RABGAP1L: variants seen among roughly 807,000 people sequenced by gnomAD.
RABGAP1L encodes rab GTPase-activating protein 1-like.
RABGAP1L carries 63 observed loss-of-function variants against 137.7 expected under a neutral mutation model. That is an observed-to-expected ratio of 0.46 (90% CI 0.37 to 0.56). RABGAP1L has a LOEUF of 0.56. RABGAP1L is among the 20% of genes least tolerant of loss of function. The probability of loss-of-function intolerance (pLI) is 0.00; values close to 1 mark genes in which losing one functional copy is unlikely to be tolerated. For missense variants in RABGAP1L, 1,095 were observed against 1,244.0 expected (o/e 0.88, Z 1.80); for synonymous variants, 431 against 433.7 (o/e 0.99, Z 0.08).
chr1:174,160,000 G>C (rs1315980099), intron 1 of RABGAP1L: 1 of 152,398 alleles, frequency 6.6e-6, no homozygotes, highest in Non-Finnish European at 1.5e-5. Context: ...GCCGCCCGCT[G>C]CTACGCTGTG....
chr1:174,698,692 A>G (rs1202176142), intron 15 of RABGAP1L, among the ~76,000 whole-genome samples: 1 of 151,298 alleles, frequency 6.6e-6, no homozygotes, highest in Non-Finnish European at 1.5e-5. Context: ...ATAAAGAGAC[A>G]ACTCTTTATA....
intron 1 of RABGAP1L, among the ~76,000 whole-genome samples, chr1:174,211,736 A>T (rs1033662262): frequency 1.3e-5 from 2 of 152,168 alleles, no homozygotes; most frequent in African/African-American, 4.8e-5. Context: ...TACATGAAAC[A>T]TACTTTACCT....
At chr1:174,474,687 C>T (rs1487514138) in intron 13 of RABGAP1L, among the ~76,000 whole-genome samples, 4 of 152,188 alleles carry the variant, frequency 2.6e-5, no homozygotes, top group Non-Finnish European at 4.4e-5. Flanking sequence ...ACTGCAACCT[C>T]CTCCTCCTGG....
At chr1:174,314,529 C>T (rs1306521568) in intron 11 of RABGAP1L, among the ~76,000 whole-genome samples, 2 of 151,816 alleles carry the variant, frequency 1.3e-5, no homozygotes, top group Non-Finnish European at 2.9e-5. Flanking sequence ...TAGCTCTTTC[C>T]TTCAACTAAT....
At chr1:174,386,610 T>G (rs1571559717) in intron 12 of RABGAP1L, among the ~76,000 whole-genome samples, 1 of 151,730 alleles carries the variant, frequency 6.6e-6, no homozygotes, top group African/African-American at 2.4e-5. Context: ...TGGGTTCAAG[T>G]GATTCTCCTG....
rs16847670 is a variant in RABGAP1L at position 174,989,301 on chromosome 1, C to T, written c.3003+463C>T. On this transcript the variant is annotated intron_variant, in intron 25 of 25. Coordinates refer to ENST00000681986, the MANE Select transcript of RABGAP1L (RefSeq NM_001366446.1). ...TCCCCATTATCTTTCTCCATATTGG[C>T]GCATAATATAATTAGAAATAGTCCT... Among the ~76,000 whole-genome samples the T allele has an allele frequency of 6.6e-5, 10 of 152,142 alleles. No individual in the cohort carries two copies. In the South Asian group the frequency reaches 1.4e-3, roughly 22 times the overall value.
At chr1:174,909,470 T>C (rs1458336570) in intron 19 of RABGAP1L, among the ~76,000 whole-genome samples, 1 of 152,148 alleles carries the variant, frequency 6.6e-6, no homozygotes, top group Non-Finnish European at 1.5e-5. Context: ...CAAGCTATCC[T>C]CTCACTTTGG....
chr1:174,275,061 A>G (rs192485552), intron 8 of RABGAP1L: 18 of 152,312 alleles, frequency 1.2e-4, no homozygotes, highest in Admixed American at 1.0e-3. Flanking sequence ...ACACACATAT[A>G]CACAAGCTAT....
At chr1:174,924,028 C>T (rs896817898) in intron 19 of RABGAP1L, among the ~76,000 whole-genome samples, 5 of 152,078 alleles carry the variant, frequency 3.3e-5, no homozygotes, top group African/African-American at 9.7e-5. Context: ...AGCTATTACA[C>T]CTGGTTCAGG....
chr1:174,431,544 A>G (rs1036062375), intron 13 of RABGAP1L, among the ~76,000 whole-genome samples: 2 of 152,218 alleles, frequency 1.3e-5, no homozygotes, highest in Non-Finnish European at 2.9e-5. Flanking sequence ...CTCATAGAGC[A>G]GTTACCTTTA....
At chr1:174,506,653 G>A (rs1661843558) in intron 13 of RABGAP1L, among the ~76,000 whole-genome samples, 1 of 152,138 alleles carries the variant, frequency 6.6e-6, no homozygotes, top group African/African-American at 2.4e-5. Context: ...GTGTTAAATA[G>A]CTTGATTTAT....
intron 13 of RABGAP1L, among the ~76,000 whole-genome samples, chr1:174,481,123 A>C (rs1373629762): frequency 6.6e-6 from 1 of 152,280 alleles, no homozygotes; most frequent in South Asian, 2.1e-4. Context: ...ACTTTATTTA[A>C]CTACCAATTT....
intron 13 of RABGAP1L, among the ~76,000 whole-genome samples, chr1:174,530,722 G>A (rs1182691419): frequency 6.6e-6 from 1 of 152,022 alleles, no homozygotes; most frequent in Non-Finnish European, 1.5e-5. Flanking sequence ...TTGAAGTATG[G>A]TTATTCACTC....
chr1:174,347,105 A>G (rs1261721043), intron 11 of RABGAP1L, among the ~76,000 whole-genome samples: 1 of 151,280 alleles, frequency 6.6e-6, no homozygotes, highest in Non-Finnish European at 1.5e-5. Flanking sequence ...AGTTTTTAAA[A>G]TAAATTTAAT....
chr1:174,402,591 C>T (rs1648736407), intron 13 of RABGAP1L, among the ~76,000 whole-genome samples: 1 of 152,150 alleles, frequency 6.6e-6, no homozygotes. Flanking sequence ...TAGGGTACTA[C>T]TGCTGCTGAT....
At chr1:174,522,072 C>A (rs934119879) in intron 13 of RABGAP1L, among the ~76,000 whole-genome samples, 1 of 99,282 alleles carries the variant, frequency 1.0e-5, no homozygotes, top group Admixed American at 8.8e-5. Flanking sequence ...GAGCGAGACT[C>A]TGTCTCAAAA....
At chr1:174,303,961 G>T (rs2148766683) in intron 10 of RABGAP1L, among the ~76,000 whole-genome samples, 1 of 152,260 alleles carries the variant, frequency 6.6e-6, no homozygotes, top group Middle Eastern at 3.4e-3. Context: ...TTGAATGAGA[G>T]TGGTGACAGT....
intron 13 of RABGAP1L, among the ~76,000 whole-genome samples, chr1:174,505,898 T>G (rs1661770451): frequency 6.6e-6 from 1 of 152,166 alleles, no homozygotes; most frequent in Non-Finnish European, 1.5e-5. Flanking sequence ...GTCATCAACC[T>G]GAGTCCATCA....
At chr1:174,406,970 T>C (rs74128389) in intron 13 of RABGAP1L, among the ~76,000 whole-genome samples, 1,868 of 152,360 alleles carry the variant, frequency 0.012, 48 homozygotes, top group African/African-American at 0.043. Context: ...ATAATAACTT[T>C]ATTGACATTA....
Sources: gnomAD v4.1 joint callset for allele counts (sites outside exome capture counted in the v4.1 genomes callset) on GRCh38, gnomAD v4.1.1 for gene constraint, MANE v1.5 for transcripts, NCBI Gene and HGNC (gene_info 2026-07-23, HGNC 2026-07-21) for gene names.